The following PTPRO variants were observed in gnomAD, a reference collection of about 807,000 sequenced individuals.
PTPRO encodes protein tyrosine phosphatase receptor type O.
Under a neutral mutation model 145.2 loss-of-function variants are expected in PTPRO, and 62 were observed. The ratio of observed to expected loss-of-function variants is 0.43; its 90% CI spans 0.35 to 0.53. The LOEUF is 0.53. Ranked by LOEUF, PTPRO falls within the 20% of genes least tolerant of loss-of-function variation. The probability of loss-of-function intolerance (pLI) is 0.01; values close to 1 mark genes in which losing one functional copy is unlikely to be tolerated. For synonymous variants in PTPRO, 565 were observed against 514.7 expected (o/e 1.10, Z -1.32); for missense variants, 1,345 against 1,482.7 (o/e 0.91, Z 1.53).
At chr12:15,389,820 A>G (rs1196383893) in intron 1 of PTPRO, among the ~76,000 whole-genome samples, 1 of 152,196 alleles carries the variant, frequency 6.6e-6, no homozygotes, top group Non-Finnish European at 1.5e-5. Context: ...CTGGCTCAAG[A>G]AATTGAGAAG....
intron 1 of PTPRO, among the ~76,000 whole-genome samples, chr12:15,330,000 C>T (rs1866560107): frequency 6.6e-6 from 1 of 152,122 alleles, no homozygotes. Flanking sequence ...AGATATATAT[C>T]AAAGGCAATG....
chr12:15,582,317 T>C (rs1003743993), intron 23 of PTPRO, among the ~76,000 whole-genome samples: 1 of 152,214 alleles, frequency 6.6e-6, no homozygotes, highest in African/African-American at 2.4e-5. Context: ...ATGGCCAGAT[T>C]TGGGGGCCTG....
chr12:15,574,712 CTA>C (rs1342556311), intron 19 of PTPRO, among the ~76,000 whole-genome samples: 1 of 152,104 alleles, frequency 6.6e-6, no homozygotes, highest in Non-Finnish European at 1.5e-5. Flanking sequence ...CTAGTTTGAG[CTA>C]TGTTTTTGTC....
chr12:15,322,945 G>T lies in PTPRO; in HGVS notation c.75+144G>T. The T allele has an allele frequency of 1.3e-6, 1 of 770,484 alleles. No homozygotes were observed. The allele number at this position is 770,484 out of a possible 1,614,324, so 47.7% of individuals were successfully genotyped here. On this transcript the variant is annotated intron_variant, in intron 1 of 26. Transcript: ENST00000281171. The surrounding 1 kb of genome is among the most constrained non-coding windows in gnomAD (Gnocchi z 6.3). ...CGCCTGCCGTGCAGCCTGGGCGCAC[G>T]CTTTGTTGTCCTCGCGTGTGCGTGT...
rs376536249 is a variant in PTPRO, at chr12:15,520,434, G to A, written c.1891+122G>A. 69 of 716,756 alleles carry A rather than the reference G, an allele frequency of 9.6e-5. 1 individual carries two copies. In the South Asian group the frequency reaches 9.8e-4, roughly 10 times the overall value. The allele number at this position is 716,756 out of a possible 1,614,324, so 44.4% of individuals were successfully genotyped here. A position where few individuals can be genotyped will look rare whatever the true frequency, so the allele number is the denominator to read the frequency against. On this transcript the variant is annotated intron_variant, in intron 10 of 26. Coordinates refer to ENST00000281171, the MANE Select transcript of PTPRO (RefSeq NM_030667.3). ...AGCACTGGGTGAGCATCAATTTCAT[G>A]GGAGATAATATTGATTCTGATCATT...
intron 1 of PTPRO, among the ~76,000 whole-genome samples, chr12:15,448,528 G>T (rs771586808): frequency 6.6e-6 from 1 of 151,990 alleles, no homozygotes; most frequent in East Asian, 1.9e-4. Context: ...GAGAAAACAA[G>T]TGTGCACAAG....
At chr12:15,527,885 G>GCCCACC (rs1942875963) in intron 12 of PTPRO, among the ~76,000 whole-genome samples, 1 of 63,864 alleles carries the variant, frequency 1.6e-5, no homozygotes, top group Admixed American at 1.7e-4. Flanking sequence ...ACCCGCCCAC[G>GCCCACC]CTACCCAGGA....
chr12:15,488,559 A>T (rs906898183), intron 2 of PTPRO, among the ~76,000 whole-genome samples: 7 of 152,236 alleles, frequency 4.6e-5, no homozygotes, highest in Non-Finnish European at 1.0e-4. Flanking sequence ...GTATCTGCTC[A>T]CAGAGTTGAC....
chr12:15,351,076 G>A (rs756718962), intron 1 of PTPRO, among the ~76,000 whole-genome samples: 7 of 152,026 alleles, frequency 4.6e-5, no homozygotes, highest in Non-Finnish European at 7.3e-5. Flanking sequence ...ACTGTATGGC[G>A]GACTTGGAGA....
chr12:15,426,120 T>G (rs1940279251), intron 1 of PTPRO, among the ~76,000 whole-genome samples: 1 of 151,630 alleles, frequency 6.6e-6, no homozygotes. Context: ...AGTTTTTTTC[T>G]TAAGTCTTAC....
chr12:15,533,352 CA>C (rs1232895230), intron 12 of PTPRO, among the ~76,000 whole-genome samples: 1 of 152,110 alleles, frequency 6.6e-6, no homozygotes, highest in African/African-American at 2.4e-5. Context: ...GTAGACAAGA[CA>C]ATCTTTTTAT....
At chr12:15,429,150 G>T (rs769093653) in intron 1 of PTPRO, among the ~76,000 whole-genome samples, 7 of 152,138 alleles carry the variant, frequency 4.6e-5, no homozygotes, top group Non-Finnish European at 1.0e-4. Flanking sequence ...ATCTCTTGAA[G>T]CTCATCCATT....
Position 15,515,553 on chromosome 12 carries a change from T to A in PTPRO, c.1520T>A (p.Val507Asp), listed in dbSNP as rs758380243. The change falls in exon 8 of 27, where the codon GTT (valine) becomes GAT (aspartate). Residue 507 changes from valine (V) to aspartate (D), a missense_variant. Val to Asp is a radical substitution (Grantham distance 152). This residue lies in a region of PTPRO where 1,130 missense variants were observed against 1,214.7 expected (regional missense o/e 0.93). Coordinates refer to ENST00000281171, the MANE Select transcript of PTPRO (RefSeq NM_030667.3). ...ENLVPGAQYQ[V>D]VIYLRKGPLI... ...CTGGTTCCTGGTGCCCAGTACCAGG[T>A]TGTAATATACCTAAGGAAAGGCCCT... 1 of 1,613,920 alleles carries A rather than the reference T, an allele frequency of 6.2e-7. No homozygotes were observed. The highest frequency in any genetic ancestry group is 8.5e-7 in the Non-Finnish European group (1 of 1,179,856).
chr12:15,548,015 G>A (rs778006087), intron 13 of PTPRO, among the ~76,000 whole-genome samples: 1 of 152,152 alleles, frequency 6.6e-6, no homozygotes, highest in African/African-American at 2.4e-5. Flanking sequence ...TCTTAGTGCG[G>A]ATAGTTGCCA....
chr12:15,364,465 A>T (rs1343611893), intron 1 of PTPRO, among the ~76,000 whole-genome samples: 4 of 152,194 alleles, frequency 2.6e-5, no homozygotes, highest in Non-Finnish European at 5.9e-5. Flanking sequence ...GCTGTAATCC[A>T]AAACCTCATT....
At chr12:15,375,124 G>A (rs7963510) in intron 1 of PTPRO, among the ~76,000 whole-genome samples, 30,062 of 152,130 alleles carry the variant, frequency 0.2, 7,361 homozygotes, top group African/African-American at 0.58. Context: ...AATAGAGTAA[G>A]TACAGACTTT....
intron 2 of PTPRO, among the ~76,000 whole-genome samples, chr12:15,493,833 G>A (rs1942048794): frequency 1.3e-5 from 2 of 152,148 alleles, no homozygotes; most frequent in African/African-American, 4.8e-5. Context: ...ATTTATTGCA[G>A]CATTATTTGT....
At chr12:15,527,445 C>T (rs1375684184) in intron 12 of PTPRO, among the ~76,000 whole-genome samples, 2 of 152,186 alleles carry the variant, frequency 1.3e-5, no homozygotes, top group Non-Finnish European at 2.9e-5. Context: ...GGAGAAATAG[C>T]TTGAGGATAG....
rs536554468 is a variant in PTPRO at position 15,570,279 on chromosome 12, T to G, written c.2829+781T>G. ...TAGCATGGCTTGAGTGGTCAGTGAT[T>G]CAGGGAAAAGGGGAAGATAAAGTGA... On this transcript the variant is annotated intron_variant, in intron 19 of 26. Transcript: ENST00000281171. 9.1e-4 allele frequency among the ~76,000 whole-genome samples: 139 copies of G among 152,216 alleles called. 1 individual carries two copies. The highest frequency in any genetic ancestry group is 2.0e-3 in the Admixed American group (31 of 15,286).
Sources: allele counts gnomAD v4.1 joint callset (sites outside exome capture counted in the v4.1 genomes callset), GRCh38; gene constraint gnomAD v4.1.1; regional missense constraint gnomAD v4.1.1; non-coding constraint Gnocchi (gnomAD v3.1); transcripts MANE v1.5; gene names NCBI Gene and HGNC (gene_info 2026-07-23, HGNC 2026-07-21).